The following SLAIN2 variants were observed in gnomAD, a reference collection of about 807,000 sequenced individuals.
The protein encoded by SLAIN2 is SLAIN family member 2.
SLAIN2 carries 31 observed loss-of-function variants against 56.6 expected under a neutral mutation model. The observed-to-expected ratio is 0.55, with a 90% confidence interval of 0.41 to 0.74. The LOEUF is 0.74. Ranked by LOEUF, SLAIN2 falls within the 30% of genes least tolerant of loss-of-function variation. The pLI, the probability that SLAIN2 is intolerant of heterozygous loss-of-function variation, is 0.00. For synonymous variants in SLAIN2, 317 were observed against 284.9 expected, an observed-to-expected ratio of 1.11 and a Z score of -1.13; for missense variants, 777 against 754.2, an observed-to-expected ratio of 1.03 and a Z score of -0.35.
rs191741457 is a variant in SLAIN2, at chr4:48,355,666, C to T, written c.389+13538C>T. ...GAATACAGTATACCCGTCTCTCTTA[C>T]CTCCTACTCTGGCATGTAACATAAA... On this transcript the variant is annotated intron_variant, in intron 1 of 7. Coordinates refer to ENST00000264313, the MANE Select transcript of SLAIN2 (RefSeq NM_020846.2). Among the ~76,000 whole-genome samples the T allele has an allele frequency of 2.1e-3, 317 of 152,226 alleles. 5 individuals carry two copies. The highest frequency in any genetic ancestry group is 0.018 in the Admixed American group (276 of 15,290).
chr4:48,380,415 A>G (rs1560457830), intron 4 of SLAIN2, among the ~76,000 whole-genome samples: 1 of 152,136 alleles, frequency 6.6e-6, no homozygotes, highest in Non-Finnish European at 1.5e-5. Context: ...ACTTGAGAAT[A>G]CATGGTGTAA....
intron 1 of SLAIN2, among the ~76,000 whole-genome samples, chr4:48,353,390 A>G (rs1248673280): frequency 6.6e-6 from 1 of 151,680 alleles, no homozygotes; most frequent in African/African-American, 2.4e-5. Flanking sequence ...AAGAACTTTG[A>G]TGGTTGGAAA....
In SLAIN2 at chr4:48,425,998, T is replaced by C. The variant is rs1464099425; in HGVS notation, c.*3921T>C. On this transcript the variant is annotated 3_prime_UTR_variant, in exon 8 of 8. Coordinates refer to ENST00000264313, the MANE Select transcript of SLAIN2 (RefSeq NM_020846.2). ...AATCTGTTTCTTCTGATTTCGAAAG[T>C]AATAGAAACTCTGCTGTAGAACATA... The C allele has an allele frequency of 6.6e-6, 1 of 152,174 alleles. No individual in the cohort carries two copies. The highest frequency in any genetic ancestry group is 1.5e-5 in the Non-Finnish European group (1 of 68,014). The allele number at this position is 152,174 out of a possible 1,614,324, so 9.4% of individuals were successfully genotyped here.
chr4:48,397,908 A>G (rs1716451101), intron 6 of SLAIN2, among the ~76,000 whole-genome samples: 2 of 152,064 alleles, frequency 1.3e-5, no homozygotes, highest in East Asian at 3.9e-4. Context: ...TCTGCCATTG[A>G]TGGGTATTTG....
chr4:48,357,070 TATTG>T (rs1715175538), intron 1 of SLAIN2, among the ~76,000 whole-genome samples: 1 of 151,302 alleles, frequency 6.6e-6, no homozygotes, highest in Non-Finnish European at 1.5e-5. Context: ...TTATTAGTAT[TATTG>T]ATAATATTTT....
chr4:48,409,078 T>C lies in SLAIN2; in HGVS notation c.1361-11047T>C, dbSNP rs576055115. Among the ~76,000 whole-genome samples, 14 of 152,292 alleles carry C rather than the reference T, an allele frequency of 9.2e-5. No homozygotes were observed. The South Asian group carries it at 2.7e-3, about 29-fold the overall frequency. On this transcript the variant is annotated intron_variant, in intron 6 of 7. Transcript: ENST00000264313. ...TTTTTGTGTGTACATAGTAGGTGTG[T>C]GTATTTATGGAGCACATGAGATATT...
At chr4:48,361,477 C>T (rs1560451892) in intron 1 of SLAIN2, among the ~76,000 whole-genome samples, 1 of 152,086 alleles carries the variant, frequency 6.6e-6, no homozygotes, top group Non-Finnish European at 1.5e-5. Context: ...GAAAAAAACT[C>T]CATCTTAAGG....
chr4:48,360,494 A>G (rs1158662228), intron 1 of SLAIN2, among the ~76,000 whole-genome samples: 1 of 152,086 alleles, frequency 6.6e-6, no homozygotes. Flanking sequence ...CAGGAGCCTG[A>G]GGCATGAGAA....
At chr4:48,366,605 A>G (rs75926680) in intron 1 of SLAIN2, among the ~76,000 whole-genome samples, 4,269 of 152,000 alleles carry the variant, frequency 0.028, 66 homozygotes, top group Admixed American at 0.045. Context: ...TCATGGTCTT[A>G]TTTTTTCCCA....
intron 2 of SLAIN2, among the ~76,000 whole-genome samples, chr4:48,370,381 G>C (rs1715632647): frequency 6.6e-6 from 1 of 152,184 alleles, no homozygotes; most frequent in African/African-American, 2.4e-5. Flanking sequence ...GAGAGCTACA[G>C]AGACCTTGTT....
At chr4:48,346,041 T>C (rs568431096) in intron 1 of SLAIN2, among the ~76,000 whole-genome samples, 6 of 152,228 alleles carry the variant, frequency 3.9e-5, no homozygotes, top group Non-Finnish European at 7.3e-5. Flanking sequence ...CCTACAAGAT[T>C]CTTACCTACA....
intron 2 of SLAIN2, among the ~76,000 whole-genome samples, chr4:48,372,532 G>A (rs75928666): frequency 0.019 from 2,953 of 152,242 alleles, 89 homozygotes; most frequent in African/African-American, 0.067. Context: ...GGTTTAAAAC[G>A]TCCTAAGGAG....
intron 1 of SLAIN2, among the ~76,000 whole-genome samples, chr4:48,354,724 AG>A (rs1715112004): frequency 2.0e-5 from 3 of 151,990 alleles, no homozygotes; most frequent in Non-Finnish European, 4.4e-5. Context: ...TCGGCCTCCC[AG>A]AGTGCTGGGA....
At chr4:48,375,125 ATAAAAAGGCT>A in intron 2 of SLAIN2, among the ~76,000 whole-genome samples, 1 of 152,200 alleles carries the variant, frequency 6.6e-6, no homozygotes, top group South Asian at 2.1e-4. Context: ...GACTGAGAAG[ATAAAAAGGCT>A]TAGAACTTGG....
chr4:48,398,146 T>C (rs116163763), intron 6 of SLAIN2, among the ~76,000 whole-genome samples: 4,265 of 152,322 alleles, frequency 0.028, 63 homozygotes, highest in Admixed American at 0.045. Flanking sequence ...TGTTCCTTTT[T>C]CTCCACAGCC....
chr4:48,346,844 T>A (rs928280877), intron 1 of SLAIN2, among the ~76,000 whole-genome samples: 1 of 149,492 alleles, frequency 6.7e-6, no homozygotes, highest in Non-Finnish European at 1.5e-5. Flanking sequence ...CCTTTTTTTT[T>A]TTTTTTTTTT....
At chr4:48,346,310 C>G (rs1203444604) in intron 1 of SLAIN2, among the ~76,000 whole-genome samples, 1 of 152,090 alleles carries the variant, frequency 6.6e-6, no homozygotes, top group Non-Finnish European at 1.5e-5. Context: ...TCACCATGAT[C>G]TTAGTGATAA....
chr4:48,415,445 GA>G (rs1716976977), intron 6 of SLAIN2, among the ~76,000 whole-genome samples: 1 of 57,314 alleles, frequency 1.7e-5, no homozygotes, highest in Non-Finnish European at 3.9e-5. Flanking sequence ...GTTCATTGTA[GA>G]TTCTGGATAT....
chr4:48,414,086 A>G (rs940312234), intron 6 of SLAIN2, among the ~76,000 whole-genome samples: 1 of 152,194 alleles, frequency 6.6e-6, no homozygotes, highest in African/African-American at 2.4e-5. Context: ...TTAGACACCA[A>G]GGTTAGGATT....
Sources: gnomAD v4.1 joint callset for allele counts (sites outside exome capture counted in the v4.1 genomes callset) on GRCh38, gnomAD v4.1.1 for gene constraint, MANE v1.5 for transcripts, NCBI Gene and HGNC (gene_info 2026-07-23, HGNC 2026-07-21) for gene names.